COL25A1: variants seen among roughly 807,000 people sequenced by gnomAD.
COL25A1 encodes the protein collagen alpha-1(XXV) chain.
Under a neutral mutation model 128.4 loss-of-function variants are expected in COL25A1, and 103 were observed. The ratio of observed to expected loss-of-function variants is 0.80; its 90% confidence interval spans 0.68 to 0.94. The LOEUF (loss-of-function observed/expected upper bound fraction) is 0.94. Ranked by LOEUF, COL25A1 falls within the 40% of genes least tolerant of loss-of-function variation. COL25A1 has a pLI of 0.00. For missense variants in COL25A1, 745 were observed against 840.0 expected, an observed-to-expected ratio of 0.89 and a Z score of 1.40; for synonymous variants, 279 against 277.2, an observed-to-expected ratio of 1.01 and a Z score of -0.06.
At chr4:108,860,769 AG>A (rs1311091356) in intron 23 of COL25A1, among the ~76,000 whole-genome samples, 157 bp downstream of exon 23, 2 of 152,184 alleles carry the variant, frequency 1.3e-5, no homozygotes, top group African/African-American at 4.8e-5. Flanking sequence ...AGGAAAATAA[AG>A]GAGGTAGGGG....
At chr4:108,872,846 C>T (rs1738931018) in intron 19 of COL25A1, among the ~76,000 whole-genome samples, 1 of 151,942 alleles carries the variant, frequency 6.6e-6, no homozygotes, top group African/African-American at 2.4e-5. Context: ...ATTTGATTAA[C>T]ATGTAATTGA....
At position 108,868,515 on chromosome 4, in the gene COL25A1, A is replaced by G. The variant is rs185534453; in HGVS notation, c.1083+573T>C. Among the ~76,000 whole-genome samples, 57 of 147,692 alleles carry G rather than the reference A, an allele frequency of 3.9e-4. 1 individual carries two copies. In the South Asian group the frequency reaches 0.012, roughly 32 times the overall value. On this transcript the variant is annotated intron_variant, in intron 20 of 37. Transcript: ENST00000399132. ...AGGAAGGAAGGAGGGAGGGAGGGAG[A>G]GAGAGAGGAAGAAAAGAAAGAAAGA...
chr4:109,099,969 T>G (rs954948022), intron 3 of COL25A1, among the ~76,000 whole-genome samples: 2 of 152,110 alleles, frequency 1.3e-5, no homozygotes, highest in Admixed American at 6.6e-5. Context: ...GCATCATGTG[T>G]GGGGACAGCA....
At chr4:109,220,271 C>T (rs1308039101) in intron 3 of COL25A1, among the ~76,000 whole-genome samples, 2 of 152,164 alleles carry the variant, frequency 1.3e-5, no homozygotes, top group African/African-American at 4.8e-5. Context: ...TGATTTTGCT[C>T]TTCAGTGAAC....
chr4:109,248,931 A>G (rs1215455288), intron 3 of COL25A1, among the ~76,000 whole-genome samples: 1 of 152,238 alleles, frequency 6.6e-6, no homozygotes, highest in Non-Finnish European at 1.5e-5. Context: ...TAAGGGAGAC[A>G]GTCAGCTAGT....
intron 3 of COL25A1, among the ~76,000 whole-genome samples, chr4:109,169,674 C>G (rs1410039188): frequency 6.6e-6 from 1 of 152,170 alleles, no homozygotes; most frequent in Non-Finnish European, 1.5e-5. Context: ...TATAAAAAAA[C>G]TAATTTCCAC....
chr4:108,947,807 T>C (rs1578858106), intron 8 of COL25A1, among the ~76,000 whole-genome samples: 1 of 152,142 alleles, frequency 6.6e-6, no homozygotes, highest in Non-Finnish European at 1.5e-5. Flanking sequence ...TGGCTGATCA[T>C]TGATCAGCAC....
intron 3 of COL25A1, among the ~76,000 whole-genome samples, chr4:109,298,477 TCA>T (rs1001992448): frequency 6.6e-6 from 1 of 152,162 alleles, no homozygotes; most frequent in African/African-American, 2.4e-5. Flanking sequence ...CAGACTTGTC[TCA>T]CTCTGCCCTA....
chr4:109,076,788 T>C (rs936766492), intron 3 of COL25A1, among the ~76,000 whole-genome samples: 1 of 151,696 alleles, frequency 6.6e-6, no homozygotes, highest in East Asian at 1.9e-4. Context: ...TCATCAGGCA[T>C]TAGATTCTCA....
intron 14 of COL25A1, among the ~76,000 whole-genome samples, chr4:108,900,014 G>A (rs74712296): frequency 1.5e-3 from 235 of 152,072 alleles, no homozygotes; most frequent in African/African-American, 5.4e-3. Context: ...AGATCAGACT[G>A]CTTTGGAAAA....
chr4:109,252,860 T>C (rs559569821), intron 3 of COL25A1, among the ~76,000 whole-genome samples: 2 of 152,302 alleles, frequency 1.3e-5, no homozygotes, highest in East Asian at 3.9e-4. Context: ...TTTCACATGG[T>C]GCCTGTGGAA....
chr4:109,224,729 C>T (rs186345521), intron 3 of COL25A1, among the ~76,000 whole-genome samples: 3 of 152,168 alleles, frequency 2.0e-5, no homozygotes, highest in African/African-American at 2.4e-5. Context: ...CAACTGAGGT[C>T]GAGAGTTAGA....
intron 3 of COL25A1, among the ~76,000 whole-genome samples, chr4:109,218,222 G>A (rs1252792462): frequency 1.3e-5 from 2 of 152,008 alleles, no homozygotes; most frequent in Non-Finnish European, 2.9e-5. Flanking sequence ...AATATGGTTT[G>A]TTATGTTTGA....
chr4:109,229,631 A>T lies in COL25A1; in HGVS notation c.367+70952T>A, dbSNP rs1779035789. Among the ~76,000 whole-genome samples, 3 of 152,158 alleles carry T rather than the reference A, an allele frequency of 2.0e-5. No homozygotes were observed. The South Asian group carries it at 6.2e-4, about 32-fold the overall frequency. On this transcript the variant is annotated intron_variant, in intron 3 of 37. Transcript: ENST00000399132. ...CAAAACCACCAACAGAAAGCACAAA[A>T]ATTGTTTATATGTGGCACTAAATAA...
chr4:109,081,762 G>A (rs1763854957), intron 3 of COL25A1, among the ~76,000 whole-genome samples: 1 of 151,418 alleles, frequency 6.6e-6, no homozygotes, highest in African/African-American at 2.4e-5. Context: ...GGAATGCAGT[G>A]GCACAGTCTT....
In COL25A1 at chr4:109,073,503, C is replaced by T. The variant is rs188632058; in HGVS notation, c.368-23324G>A. Among the ~76,000 whole-genome samples, 264 of 151,568 alleles carry T rather than the reference C, an allele frequency of 1.7e-3. 3 individuals carry two copies. The highest frequency in any genetic ancestry group is 0.014 in the Middle Eastern group (4 of 294). ...GCAGATCTTCTTTAATAAGTGCCCCCTGGGATTTTGGCTTAATAATATAAC... is the reference window on the plus strand; with the variant it reads ...GCAGATCTTCTTTAATAAGTGCCCCTTGGGATTTTGGCTTAATAATATAAC... On this transcript the variant is annotated intron_variant, in intron 3 of 37. Coordinates refer to ENST00000399132, the MANE Select transcript of COL25A1 (RefSeq NM_198721.4).
At chr4:109,042,372 G>T (rs186660782) in intron 5 of COL25A1, among the ~76,000 whole-genome samples, 3 of 152,058 alleles carry the variant, frequency 2.0e-5, no homozygotes, top group Admixed American at 2.0e-4. Flanking sequence ...GCGTGCAGGG[G>T]CTCAAAATGA....
chr4:109,135,569 A>C (rs753432845), intron 3 of COL25A1, among the ~76,000 whole-genome samples: 1 of 152,142 alleles, frequency 6.6e-6, no homozygotes, highest in African/African-American at 2.4e-5. Flanking sequence ...CTTCAACCCA[A>C]GTGAGGACAG....
intron 3 of COL25A1, among the ~76,000 whole-genome samples, chr4:109,218,861 T>C (rs1778234640): frequency 6.6e-6 from 1 of 152,126 alleles, no homozygotes; most frequent in South Asian, 2.1e-4. Context: ...ATTAAAGTGA[T>C]AATTCTTTCT....
Sources: allele counts gnomAD v4.1 joint callset (sites outside exome capture counted in the v4.1 genomes callset), GRCh38; gene constraint gnomAD v4.1.1; transcripts MANE v1.5; gene names NCBI Gene and HGNC (gene_info 2026-07-23, HGNC 2026-07-21).